Variants in DLX6 observed in about 807,000 individuals in gnomAD.
The protein encoded by DLX6 is homeobox protein DLX-6.
Under a neutral mutation model 33.5 loss-of-function variants are expected in DLX6, and 4 were observed. That is an observed-to-expected ratio of 0.12 (90% confidence interval 0.06 to 0.27). The LOEUF (loss-of-function observed/expected upper bound fraction) is 0.27. Among genes scored for constraint, DLX6 ranks in the 10% least tolerant of loss-of-function variants. DLX6 has a pLI of 1.00. For synonymous variants in DLX6, 184 were observed against 164.8 expected (o/e 1.12, Z -0.89); for missense variants, 382 against 393.3 (o/e 0.97, Z 0.24).
In DLX6 at chr7:97,005,672, G is replaced by A. The variant is rs1021552749; in HGVS notation, c.-306G>A. ...CAAAAAATCCAAGGGGGGAAAGCAG[G>A]CGGGGGGAGAGCAGATTCCCCCCTC... On this transcript the variant is annotated 5_prime_UTR_variant, in exon 1 of 3. Transcript: ENST00000518156. 4 of 179,186 alleles carry A rather than the reference G, an allele frequency of 2.2e-5. No homozygotes were observed. The highest frequency in any genetic ancestry group is 4.6e-5 in the Non-Finnish European group (4 of 86,554). The allele number at this position is 179,186 out of a possible 1,614,324, so 11.1% of individuals were successfully genotyped here.
chr7:97,007,554 G>T, intron 1 of DLX6, 84 bp from the exon 2 acceptor site: 2 of 1,313,768 alleles, frequency 1.5e-6, no homozygotes, highest in South Asian at 2.5e-5. Context: ...GCTTTGGGGA[G>T]ACTCGTTGCA....
In DLX6 at chr7:97,006,052, G is replaced by A; in HGVS notation, c.75G>A (p.Gly25=). The A allele has an allele frequency of 6.5e-7, 1 of 1,531,834 alleles. No individual in the cohort carries two copies. Among genetic ancestry groups the A allele is most frequent in the Middle Eastern group, 1.7e-4 (1 of 5,872 alleles). The allele number at this position is 1,531,834 out of a possible 1,614,324, so 94.9% of individuals were successfully genotyped here. A position where few individuals can be genotyped will look rare whatever the true frequency, so the allele number is the denominator to read the frequency against. The change falls in exon 1 of 3, where the codon GGG becomes GGA. Residue 25 remains glycine, a synonymous_variant. Coordinates refer to ENST00000518156, the MANE Select transcript of DLX6 (RefSeq NM_005222.4). ...CCAAATCCGCCTTCATGGAGTTCGG[G>A]CAGCAGCAGCAGCAGCAGCAGCAAC... is the stretch of plus-strand genomic sequence containing the variant. The part of the protein sequence containing the change: ...DSSKSAFMEF[G]QQQQQQQQQQ...
In DLX6 at chr7:97,006,238, C is replaced by T; in HGVS notation, c.261C>T (p.His87=). Residue 87 remains histidine (H), a synonymous_variant, in exon 1 of 3, where the codon CAC becomes CAT. Coordinates refer to ENST00000518156, the MANE Select transcript of DLX6 (RefSeq NM_005222.4). The part of the protein sequence containing the change: ...AAAAAAAGSH[H]HHHHQHHHHG... ...CGGCGGCAGCGGCCGGCTCGCACCA[C>T]CACCACCACCACCAGCACCACCACC... is the stretch of plus-strand genomic sequence containing the variant. 6.6e-7 allele frequency: 1 copy of T among 1,518,382 alleles called. No homozygotes were observed. Among genetic ancestry groups the T allele is most frequent in the Non-Finnish European group, 8.8e-7 (1 of 1,130,182 alleles). The allele number at this position is 1,518,382 out of a possible 1,614,324, so 94.1% of individuals were successfully genotyped here.
chr7:97,006,267 G>T lies in DLX6; in HGVS notation c.290G>T (p.Gly97Val). The T allele has an allele frequency of 6.5e-7, 1 of 1,528,540 alleles. No homozygotes were observed. Among genetic ancestry groups the T allele is most frequent in the Admixed American group, 2.0e-5 (1 of 48,840 alleles). The allele number at this position is 1,528,540 out of a possible 1,614,324, so 94.7% of individuals were successfully genotyped here. Residue 97 changes from glycine to valine, a missense_variant, in exon 1 of 3, where the codon GGC (glycine) becomes GTC (valine). Gly to Val is a moderately radical substitution (Grantham distance 109). Transcript: ENST00000518156. Reference sequence around the variant, plus strand: ...CACCACCACCAGCACCACCACCACGGCTCGCCCTACGCGTCGGGCGGAGGG... The same window carrying T: ...CACCACCACCAGCACCACCACCACGTCTCGCCCTACGCGTCGGGCGGAGGG... ...HHHHHQHHHH[G>V]SPYASGGGNS... is the part of the protein sequence containing the mutation.
At position 97,010,366 on chromosome 7, in the gene DLX6, A is replaced by T. The variant is rs1357990693; in HGVS notation, c.*319A>T. ...TCTTGCATCTCAGAGAGAGAGAAAG[A>T]GCATGTGTGAGAGAGAAACTGGTTT... On this transcript the variant is annotated 3_prime_UTR_variant, in exon 3 of 3. Coordinates refer to ENST00000518156, the MANE Select transcript of DLX6 (RefSeq NM_005222.4). 2.9e-5 allele frequency: 8 copies of T among 271,420 alleles called. No individual in the cohort carries two copies. 16.8% of individuals were successfully genotyped at this position (271,420 alleles called of 1,614,324 possible).
At position 97,006,407 on chromosome 7, in the gene DLX6, G is replaced by T. The variant is rs201763801; in HGVS notation, c.430G>T (p.Asp144Tyr). Residue 144 changes from aspartate (D) to tyrosine (Y), a missense_variant, in exon 1 of 3, where the codon GAC becomes TAC. By Grantham distance (160) the Asp-to-Tyr change is radical. This residue lies in a region of DLX6 where 257 missense variants were observed against 206.9 expected (regional missense o/e 1.24). Transcript: ENST00000518156. ...SSAAAQTRGDDTDQQKTTVIE... is the reference protein window; with the variant it reads ...SSAAAQTRGDYTDQQKTTVIE... ...CGCAGCCGCCCAGACGCGAGGGGACGACACAGGTGAGAGGCCGCTGGGGCA... is the reference window on the plus strand; with the variant it reads ...CGCAGCCGCCCAGACGCGAGGGGACTACACAGGTGAGAGGCCGCTGGGGCA... 9.4e-6 allele frequency: 13 copies of T among 1,385,424 alleles called. No individual in the cohort carries two copies. The East Asian group carries it at 3.9e-4, about 41-fold the overall frequency. The allele number at this position is 1,385,424 out of a possible 1,614,324, so 85.8% of individuals were successfully genotyped here.
Position 97,006,108 on chromosome 7 carries a change from A to AGCAGCAGCAGCAACAGCAACAGCC in DLX6, c.133_134insAGCAGCAGCAACAGCAACAGCCGC (p.Gln44_Pro45insGlnGlnGlnGlnGlnGlnGlnPro). 6.7e-7 allele frequency: 1 copy of AGCAGCAGCAGCAACAGCAACAGCC among 1,501,942 alleles called. No homozygotes were observed. The highest frequency in any genetic ancestry group is 9.0e-7 in the Non-Finnish European group (1 of 1,109,462). 93.0% of individuals were successfully genotyped at this position (1,501,942 alleles called of 1,614,324 possible). ...CAGCAGCAGCAGCAGCAACAGCAAC[A>AGCAGCAGCAGCAACAGCAACAGCC]GCCGCCGCCGCCGCCGCCGCCGCCG... On this transcript the variant is annotated inframe_insertion, in exon 1 of 3. Transcript: ENST00000518156.
chr7:97,009,684 G>A (rs1219778426), intron 2 of DLX6, 112 bp from the exon 3 acceptor site: 3 of 1,490,884 alleles, frequency 2.0e-6, no homozygotes, highest in Non-Finnish European at 2.7e-6. Flanking sequence ...GGCGGTGGTT[G>A]TTTTTTGTTT....
In DLX6 at chr7:97,006,037, C is replaced by T. The variant is rs1413879139; in HGVS notation, c.60C>T (p.Ala20=). Residue 20 remains alanine (A), a synonymous_variant, in exon 1 of 3, where the codon GCC becomes GCT. Transcript: ENST00000518156. ...AAGGCCAGGACTCGTCCAAATCCGC[C>T]TTCATGGAGTTCGGGCAGCAGCAGC... ...GLEGQDSSKS[A]FMEFGQQQQQ... is the part of the protein sequence containing the mutation. The T allele has an allele frequency of 1.9e-6, 3 of 1,593,882 alleles. No individual in the cohort carries two copies. The highest frequency in any genetic ancestry group is 1.7e-6 in the Non-Finnish European group (2 of 1,170,956).
Position 97,010,315 on chromosome 7 carries a change from C to T in DLX6, c.*268C>T, listed in dbSNP as rs574664172. Reference sequence around the variant, plus strand: ...TTTCACCTTTTTTCTCATTTACCTTCTCTCTTGAGCAACGTCAGTAATTGA... The same window carrying T: ...TTTCACCTTTTTTCTCATTTACCTTTTCTCTTGAGCAACGTCAGTAATTGA... On this transcript the variant is annotated 3_prime_UTR_variant, in exon 3 of 3. Coordinates refer to ENST00000518156, the MANE Select transcript of DLX6 (RefSeq NM_005222.4). The T allele has an allele frequency of 2.5e-6, 1 of 407,044 alleles. No homozygotes were observed. Among genetic ancestry groups the T allele is most frequent in the African/African-American group, 2.0e-5 (1 of 50,086 alleles). The allele number at this position is 407,044 out of a possible 1,614,324, so 25.2% of individuals were successfully genotyped here. A position where few individuals can be genotyped will look rare whatever the true frequency, so the allele number is the denominator to read the frequency against.
rs1191423233 is a variant in DLX6, at chr7:97,010,204, C to CTCTG, written c.*160_*161insGTCT. On this transcript the variant is annotated 3_prime_UTR_variant, in exon 3 of 3. Coordinates refer to ENST00000518156, the MANE Select transcript of DLX6 (RefSeq NM_005222.4). Reference sequence around the variant, plus strand: ...GCTCATTCTCTCTCCCTCTCTCTCTCTCTCCCTCTCCTTTCTTTTTACTTC... The same window carrying CTCTG: ...GCTCATTCTCTCTCCCTCTCTCTCTCTCTGTCTCCCTCTCCTTTCTTTTTACTTC... 9 of 718,930 alleles carry CTCTG rather than the reference C, an allele frequency of 1.3e-5. No homozygotes were observed. Among genetic ancestry groups the CTCTG allele is most frequent in the Non-Finnish European group, 1.9e-5 (9 of 462,426 alleles). The allele number at this position is 718,930 out of a possible 1,614,324, so 44.5% of individuals were successfully genotyped here.
chr7:97,007,493 A>G, intron 1 of DLX6, 145 bp from the exon 2 acceptor site: 2 of 759,308 alleles, frequency 2.6e-6, no homozygotes, highest in Admixed American at 4.0e-5. Context: ...GGCAGAGTGG[A>G]CCAAGAGAGG....
chr7:97,007,293 G>T, intron 1 of DLX6: 1 of 577,396 alleles, frequency 1.7e-6, no homozygotes, highest in Non-Finnish European at 3.1e-6. Context: ...CCGGGCACAG[G>T]GGCCCCGCTC....
intron 2 of DLX6, 114 bp downstream of exon 2, chr7:97,007,945 A>G: frequency 9.2e-7 from 1 of 1,087,320 alleles, no homozygotes; most frequent in Non-Finnish European, 1.3e-6. Context: ...AAGGAGCTTA[A>G]TGACAAATGC....
chr7:97,009,760 T>C, intron 2 of DLX6, 36 bp from the exon 3 acceptor site: 2 of 1,601,262 alleles, frequency 1.2e-6, no homozygotes, highest in Non-Finnish European at 1.7e-6. Flanking sequence ...ACTGGTTTGA[T>C]GTTTATGGGC....
intron 2 of DLX6, among the ~76,000 whole-genome samples, chr7:97,008,925 A>G (rs3801290): frequency 0.32 from 49,047 of 152,168 alleles, 8,015 homozygotes; most frequent in Admixed American, 0.41. Context: ...TGGCTAGGGA[A>G]TTTTAAAGGT....
intron 1 of DLX6, chr7:97,006,881 G>C (rs542295908): frequency 3.3e-5 from 5 of 152,448 alleles, no homozygotes; most frequent in African/African-American, 1.2e-4. Flanking sequence ...TCAGTGACTC[G>C]GAGGGAAGCT....
Position 97,006,083 on chromosome 7 carries a change from CAGCAGCAGCAGCAGCAACAGCAACA to C in DLX6, c.107_131del (p.Gln36ArgfsTer76), listed in dbSNP as rs1789713224. On this transcript the variant is annotated frameshift_variant, in exon 1 of 3. Coordinates refer to ENST00000518156, the MANE Select transcript of DLX6 (RefSeq NM_005222.4). LOFTEE classifies it high-confidence loss of function. The stretch of plus-strand genomic sequence containing the variant: ...GCAGCAGCAGCAGCAGCAACAGCAG[CAGCAGCAGCAGCAGCAACAGCAACA>C]GCCGCCGCCGCCGCCGCCGCCGCCG... The C allele has an allele frequency of 3.8e-6, 6 of 1,559,938 alleles. No homozygotes were observed. Among genetic ancestry groups the C allele is most frequent in the Non-Finnish European group, 2.6e-6 (3 of 1,153,678 alleles).
Position 97,006,132 on chromosome 7 carries a change from C to CGCCGCCGCA in DLX6, c.160_161insCGCAGCCGC (p.Pro53_Gln54insProGlnPro), listed in dbSNP as rs1216909877. ...CAGCCGCCGCCGCCGCCGCCGCCGC[C>CGCCGCCGCA]GCCGCAGCCGCACTCGCAGCAGAGC... On this transcript the variant is annotated inframe_insertion, in exon 1 of 3. Coordinates refer to ENST00000518156, the MANE Select transcript of DLX6 (RefSeq NM_005222.4). 6.2e-5 allele frequency: 95 copies of CGCCGCCGCA among 1,538,768 alleles called. No homozygotes were observed. Among genetic ancestry groups the CGCCGCCGCA allele is most frequent in the Non-Finnish European group, 7.5e-5 (85 of 1,138,396 alleles).
Sources: gnomAD v4.1 joint callset for allele counts (sites outside exome capture counted in the v4.1 genomes callset) on GRCh38, gnomAD v4.1.1 for gene constraint, gnomAD v4.1.1 regional missense constraint, MANE v1.5 for transcripts, NCBI Gene and HGNC (gene_info 2026-07-23, HGNC 2026-07-21) for gene names.